ECE2: variants seen among roughly 807,000 people sequenced by gnomAD.
The protein encoded by ECE2 is endothelin-converting enzyme 2.
In ECE2, 81 loss-of-function variants were observed where a neutral mutation model predicts 100.6. That is an observed-to-expected ratio of 0.81 (90% CI 0.67 to 0.97). The LOEUF is 0.97. ECE2 is among the 50% of genes least tolerant of loss of function. The probability of loss-of-function intolerance (pLI) is 0.00; values close to 1 mark genes in which losing one functional copy is unlikely to be tolerated. For synonymous variants in ECE2, 391 were observed against 391.5 expected (o/e 1.00, Z 0.02); for missense variants, 911 against 988.1 (o/e 0.92, Z 1.05).
At position 184,292,091 on chromosome 3, in the gene ECE2, C is replaced by G. The variant is rs139338915; in HGVS notation, c.2151C>G (p.Ser717Arg). Residue 717 changes from serine (S) to arginine (R), a missense_variant, in exon 19 of 19, where the codon AGC becomes AGG. By Grantham distance (110) the Ser-to-Arg change is moderately radical. Coordinates refer to ENST00000404464, the MANE Select transcript of ECE2 (RefSeq NM_001100121.2). ...GGTGCTCGGTCCGCACACCAGAGAGCTCTCACGAGGGGCTGGTGACCGACC... is the reference window on the plus strand; with the variant it reads ...GGTGCTCGGTCCGCACACCAGAGAGGTCTCACGAGGGGCTGGTGACCGACC... ...QVWCSVRTPE[S>R]SHEGLVTDPH... The G allele has an allele frequency of 9.9e-6, 16 of 1,613,960 alleles. No individual in the cohort carries two copies. The highest frequency in any genetic ancestry group is 7.7e-5 in the South Asian group (7 of 91,062).
chr3:184,278,409 G>T, intron 6 of ECE2, 83 bp from the exon 7 acceptor site: 1 of 1,588,672 alleles, frequency 6.3e-7, no homozygotes. Context: ...TGACCCCCCG[G>T]CCCCACCCCT....
rs1171929277 is a variant in ECE2, at chr3:184,289,430, C to T, written c.1375-7C>T. 3 of 1,596,958 alleles carry T rather than the reference C, an allele frequency of 1.9e-6. No individual in the cohort carries two copies. The highest frequency in any genetic ancestry group is 1.3e-5 in the African/African-American group (1 of 74,534). On this transcript the variant is annotated splice_region_variant and splice_polypyrimidine_tract_variant and intron_variant, in intron 11 of 18. Coordinates refer to ENST00000404464, the MANE Select transcript of ECE2 (RefSeq NM_001100121.2). The surrounding 1 kb of genome is among the most constrained non-coding windows in gnomAD (Gnocchi z 4.1). ...GGGGAAGGCTGACTTTACCTCCTCC[C>T]TCCCAGGCAGAGGGGATGATCAGCG...
chr3:184,290,389 G>C, intron 14 of ECE2, 31 bp downstream of exon 14: 1 of 1,605,872 alleles, frequency 6.2e-7, no homozygotes, highest in Non-Finnish European at 8.5e-7. Flanking sequence ...ATAGACACTA[G>C]GGGTGGCAGG....
intron 2 of ECE2, 161 bp downstream of exon 2, chr3:184,276,728 C>G (rs373975947): frequency 2.9e-5 from 45 of 1,545,524 alleles, no homozygotes; most frequent in Non-Finnish European, 3.8e-5. Flanking sequence ...TAAGCCGTGA[C>G]GTTGCACAAA....
At chr3:184,288,490 G>A (rs1034322923) in intron 11 of ECE2, among the ~76,000 whole-genome samples, 1 of 152,100 alleles carries the variant, frequency 6.6e-6, no homozygotes, top group South Asian at 2.1e-4. Flanking sequence ...GATAATGGAT[G>A]TGCTTAAAGT....
chr3:184,276,525 C>CCCGTAGAGGTAGAGGTA lies in ECE2; in HGVS notation c.84_85insCCGTAGAGGTAGAGGTA (p.Glu29ProfsTer2). The CCCGTAGAGGTAGAGGTA allele has an allele frequency of 1.2e-6, 2 of 1,611,460 alleles. No individual in the cohort carries two copies. Among genetic ancestry groups the CCCGTAGAGGTAGAGGTA allele is most frequent in the Non-Finnish European group, 1.7e-6 (2 of 1,179,704 alleles). Reference sequence around the variant, plus strand: ...CCACGCTTCGGGATGAAGACGCACCCGAGACCCCCGTAGAGGGCGGGGCCT... The same window carrying CCCGTAGAGGTAGAGGTA: ...CCACGCTTCGGGATGAAGACGCACCCCCGTAGAGGTAGAGGTAGAGACCCCCGTAGAGGGCGGGGCCT... On this transcript the variant is annotated stop_gained and frameshift_variant, in exon 2 of 19. Coordinates refer to ENST00000404464, the MANE Select transcript of ECE2 (RefSeq NM_001100121.2). LOFTEE classifies it high-confidence loss of function.
rs1191504724 is a variant in ECE2 at position 184,289,126 on chromosome 3, T to C, written c.1375-311T>C. Among the ~76,000 whole-genome samples, 1 of 150,304 alleles carries C rather than the reference T, an allele frequency of 6.7e-6. No homozygotes were observed. Among genetic ancestry groups the C allele is most frequent in the Non-Finnish European group, 1.5e-5 (1 of 67,714 alleles). ...GCCGAGATTGCGCCACTGCACTCCATCCTAGGTAACACAGCCAGACTCTGT... is the reference window on the plus strand; with the variant it reads ...GCCGAGATTGCGCCACTGCACTCCACCCTAGGTAACACAGCCAGACTCTGT... On this transcript the variant is annotated intron_variant, in intron 11 of 18. Transcript: ENST00000404464. The surrounding 1 kb of genome is among the most constrained non-coding windows in gnomAD (Gnocchi z 4.1).
chr3:184,290,371 G>A lies in ECE2; in HGVS notation c.1655+13G>A, dbSNP rs1416401740. ...CCAGCCGAGACCAGTGAGAATGACG[G>A]GGTGGACATAGACACTAGGGGTGGC... On this transcript the variant is annotated intron_variant, in intron 14 of 18. Coordinates refer to ENST00000404464, the MANE Select transcript of ECE2 (RefSeq NM_001100121.2). 3 of 1,612,422 alleles carry A rather than the reference G, an allele frequency of 1.9e-6. No homozygotes were observed. Among genetic ancestry groups the A allele is most frequent in the Admixed American group, 1.7e-5 (1 of 59,950 alleles).
At chr3:184,277,113 C>A in intron 3 of ECE2, 86 bp downstream of exon 3, 1 of 1,599,940 alleles carries the variant, frequency 6.3e-7, no homozygotes, top group Non-Finnish European at 8.5e-7. Context: ...TTGTGGGAAC[C>A]AAGCCTTCCC....
At chr3:184,285,157 G>T (rs1483853744) in intron 9 of ECE2, 52 bp downstream of exon 9, 1 of 1,587,446 alleles carries the variant, frequency 6.3e-7, no homozygotes. Context: ...CTCCAGCAAG[G>T]CTGGGCATAA....
Position 184,292,515 on chromosome 3 carries a change from T to C in ECE2, c.*277T>C. 1 of 484,852 alleles carries C rather than the reference T, an allele frequency of 2.1e-6. No individual in the cohort carries two copies. Among genetic ancestry groups the C allele is most frequent in the East Asian group, 3.5e-5 (1 of 28,824 alleles). The allele number at this position is 484,852 out of a possible 1,614,324, so 30.0% of individuals were successfully genotyped here. On this transcript the variant is annotated 3_prime_UTR_variant, in exon 19 of 19. Transcript: ENST00000404464. ...GTCTGGGTGGGGAGGCCAGTTCCCA[T>C]AGGAAGGAGTCTGCCTCTTCTGTCC... is the stretch of plus-strand genomic sequence containing the variant.
In ECE2 at chr3:184,292,291, C is replaced by T; in HGVS notation, c.*53C>T. 1.9e-6 allele frequency: 3 copies of T among 1,600,744 alleles called. No individual in the cohort carries two copies. The highest frequency in any genetic ancestry group is 2.6e-6 in the Non-Finnish European group (3 of 1,171,318). ...TGTCACCAGACCTGGGGCAGCTCTC[C>T]TGACAAAGCTGTTTGCTCTTGGGTT... On this transcript the variant is annotated 3_prime_UTR_variant, in exon 19 of 19. Coordinates refer to ENST00000404464, the MANE Select transcript of ECE2 (RefSeq NM_001100121.2).
chr3:184,276,564 G>A lies in ECE2; in HGVS notation c.123G>A (p.Met41Ile), dbSNP rs760951995. The A allele has an allele frequency of 6.2e-7, 1 of 1,609,308 alleles. No homozygotes were observed. Among genetic ancestry groups the A allele is most frequent in the Admixed American group, 1.7e-5 (1 of 59,414 alleles). ...PVEGGASPDA[M>I]EVGFQKGTRQ... ...AGGGCGGGGCCTCCCCGGACGCCATGGAGGTGGGCAAGGGGGCTTCCCCTT... is the reference window on the plus strand; with the variant it reads ...AGGGCGGGGCCTCCCCGGACGCCATAGAGGTGGGCAAGGGGGCTTCCCCTT... Residue 41 changes from methionine to isoleucine, a missense_variant, in exon 2 of 19, where the codon ATG becomes ATA. Physicochemically the swap from Met to Ile is conservative, Grantham distance 10 (BLOSUM62 1). Transcript: ENST00000404464.
chr3:184,276,442 T>G, intron 1 of ECE2, 39 bp from the exon 2 acceptor site: 3 of 1,581,148 alleles, frequency 1.9e-6, no homozygotes, highest in Non-Finnish European at 2.6e-6. Flanking sequence ...AATAGCCCTC[T>G]CTGCCTGACC....
chr3:184,287,091 C>T (rs1025445223), intron 10 of ECE2, among the ~76,000 whole-genome samples: 5 of 150,666 alleles, frequency 3.3e-5, no homozygotes, highest in Non-Finnish European at 5.9e-5. Flanking sequence ...CTGGCTAACA[C>T]GGTGAAACCC....
intron 7 of ECE2, among the ~76,000 whole-genome samples, chr3:184,279,416 G>A (rs1239825797): frequency 1.3e-5 from 2 of 152,038 alleles, no homozygotes; most frequent in African/African-American, 4.8e-5. Flanking sequence ...CGCACTTTGG[G>A]AGGCTGAGGC....
rs750670890 is a variant in ECE2 at position 184,290,614 on chromosome 3, C to T, written c.1713C>T (p.Ile571=). ...NAYYLPTKNE[I]VFPAGILQAP... is the part of the protein sequence containing the mutation. The stretch of plus-strand genomic sequence containing the variant: ...ACTACCTTCCAACTAAGAATGAGAT[C>T]GTCTTCCCCGCTGGCATCCTGCAGG... The change falls in exon 15 of 19, where the codon ATC becomes ATT. Residue 571 remains isoleucine, a synonymous_variant. Transcript: ENST00000404464. 10 of 1,614,160 alleles carry T rather than the reference C, an allele frequency of 6.2e-6. No homozygotes were observed. Among genetic ancestry groups the T allele is most frequent in the South Asian group, 4.4e-5 (4 of 91,078 alleles).
In ECE2 at chr3:184,277,368, G is replaced by A. The variant is rs1431565942; in HGVS notation, c.380G>A (p.Gly127Asp). 9 of 1,614,154 alleles carry A rather than the reference G, an allele frequency of 5.6e-6. No homozygotes were observed. Among genetic ancestry groups the A allele is most frequent in the East Asian group, 4.5e-5 (2 of 44,892 alleles). ...CEDFYQFSCG[G>D]WIRRNPLPDG... ...GACTTTTACCAGTTCTCCTGTGGGGGCTGGATTCGGAGGAACCCCCTGCCC... is the reference window on the plus strand; with the variant it reads ...GACTTTTACCAGTTCTCCTGTGGGGACTGGATTCGGAGGAACCCCCTGCCC... The change falls in exon 4 of 19, where the codon GGC becomes GAC. Residue 127 changes from glycine to aspartate, a missense_variant. Gly to Asp is a moderately conservative substitution (Grantham distance 94, BLOSUM62 -1). Transcript: ENST00000404464.
chr3:184,288,026 G>A (rs1721136312), intron 11 of ECE2, 79 bp downstream of exon 11: 9 of 1,382,424 alleles, frequency 6.5e-6, no homozygotes, highest in East Asian at 4.8e-5. Context: ...GAAAAACAAC[G>A]GGAGCCAGGC....
Sources: gnomAD v4.1 joint callset for allele counts (sites outside exome capture counted in the v4.1 genomes callset) on GRCh38, gnomAD v4.1.1 for gene constraint, Gnocchi (gnomAD v3.1) non-coding constraint, MANE v1.5 for transcripts, NCBI Gene and HGNC (gene_info 2026-07-23, HGNC 2026-07-21) for gene names.